Variants in CASZ1 observed in about 807,000 individuals in gnomAD.
CASZ1 encodes the protein zinc finger protein castor homolog 1.
In CASZ1, 28 loss-of-function variants were observed where a neutral mutation model predicts 135.2. That is an observed-to-expected ratio of 0.21 (90% CI 0.15 to 0.28). The LOEUF (loss-of-function observed/expected upper bound fraction) is 0.28. Ranked by LOEUF, CASZ1 falls within the 10% of genes least tolerant of loss-of-function variation. The pLI is 1.00. For missense variants in CASZ1, 2,161 were observed against 2,453.3 expected (o/e 0.88, Z 2.52); for synonymous variants, 1,068 against 1,073.4 (o/e 0.99, Z 0.10).
rs1640257359 is a variant in CASZ1 at position 10,756,389 on chromosome 1, G to T, written c.-77+4312C>A. ...CAGGTCTCCAGAGTGTTCCTGGAAG[G>T]CTGGGCTGGCCCATATGGCTGGGAA... On this transcript the variant is annotated intron_variant, in intron 2 of 20. Coordinates refer to ENST00000377022, the MANE Select transcript of CASZ1 (RefSeq NM_001079843.3). This position sits in a 1 kb window ranked among gnomAD's most constrained non-coding sequence, Gnocchi z 5.9. Among the ~76,000 whole-genome samples, 4 of 152,350 alleles carry T rather than the reference G, an allele frequency of 2.6e-5. No homozygotes were observed. In the South Asian group the frequency reaches 8.3e-4, roughly 32 times the overall value.
Position 10,794,194 on chromosome 1 carries a change from TGTGTGC to T in CASZ1, c.-234+2364_-234+2369del, listed in dbSNP as rs1185753570. On this transcript the variant is annotated intron_variant, in intron 1 of 20. Coordinates refer to ENST00000377022, the MANE Select transcript of CASZ1 (RefSeq NM_001079843.3). The surrounding 1 kb of genome is among the most constrained non-coding windows in gnomAD (Gnocchi z 5.6). ...GTGTATGCGTGTGTGTGTGTGTGTG[TGTGTGC>T]GCGCGCGCGCGCGTCGTGGGTTGGG... 1.6e-4 allele frequency among the ~76,000 whole-genome samples: 24 copies of T among 151,748 alleles called. No individual in the cohort carries two copies. The highest frequency in any genetic ancestry group is 1.2e-3 in the Admixed American group (18 of 15,266).
intron 2 of CASZ1, among the ~76,000 whole-genome samples, chr1:10,742,516 T>C (rs1174778894): frequency 2.0e-5 from 3 of 152,144 alleles, no homozygotes; most frequent in Non-Finnish European, 4.4e-5. Context: ...CTCCTGCCCA[T>C]GTGCTTTCTC....
At chr1:10,663,707 G>A (rs550046553) in intron 5 of CASZ1, among the ~76,000 whole-genome samples, 2 of 152,356 alleles carry the variant, frequency 1.3e-5, no homozygotes, top group African/African-American at 2.4e-5. Flanking sequence ...CTTGGGGGCC[G>A]AGCCCACAGA....
Position 10,649,178 on chromosome 1 carries a change from T to C in CASZ1, c.3050A>G (p.Asp1017Gly). 1 of 1,613,640 alleles carries C rather than the reference T, an allele frequency of 6.2e-7. No individual in the cohort carries two copies. The highest frequency in any genetic ancestry group is 1.7e-5 in the Admixed American group (1 of 60,018). The change falls in exon 15 of 21, where the codon GAC (aspartate) becomes GGC (glycine). Residue 1017 changes from aspartate (D) to glycine (G), a missense_variant. Physicochemically the swap from Asp to Gly is moderately conservative, Grantham distance 94. This residue lies in a region of CASZ1 where 349 missense variants were observed against 460.8 expected (regional missense o/e 0.76). Coordinates refer to ENST00000377022, the MANE Select transcript of CASZ1 (RefSeq NM_001079843.3). ...KVYLRRFGTK[D>G]FCDGQCDFLH... is the part of the protein sequence containing the mutation. The stretch of plus-strand genomic sequence containing the variant: ...GAAGTCACACTGGCCGTCACAGAAG[T>C]CCTTTGTACCAAACCTAGCCAGAGG...
intron 13 of CASZ1, 34 bp from the exon 14 acceptor site, chr1:10,649,471 G>T: frequency 2.5e-6 from 4 of 1,580,198 alleles, no homozygotes; most frequent in Non-Finnish European, 3.4e-6. Context: ...TGGGGCTGGG[G>T]TAGCTTAGAA....
chr1:10,645,036 T>C lies in CASZ1; in HGVS notation c.3749A>G (p.Tyr1250Cys). Residue 1250 changes from tyrosine to cysteine, a missense_variant, in exon 18 of 21, where the codon TAT becomes TGT. Tyr to Cys is a radical substitution (Grantham distance 194, BLOSUM62 -2). Coordinates refer to ENST00000377022, the MANE Select transcript of CASZ1 (RefSeq NM_001079843.3). ...GHYHCLRTGCYFVTNITTKLP... is the reference protein window; with the variant it reads ...GHYHCLRTGCCFVTNITTKLP... Reference sequence around the variant, plus strand: ...CTTGGTGGTGATGTTGGTCACAAAATAGCAGCCGGTGCGGAGGCAGTGGTA... The same window carrying C: ...CTTGGTGGTGATGTTGGTCACAAAACAGCAGCCGGTGCGGAGGCAGTGGTA... 3 of 1,614,008 alleles carry C rather than the reference T, an allele frequency of 1.9e-6. No homozygotes were observed. The highest frequency in any genetic ancestry group is 2.2e-5 in the South Asian group (2 of 91,088).
rs1011655709 is a variant in CASZ1, at chr1:10,659,425, C to T, written c.1340+277G>A. Among the ~76,000 whole-genome samples, 7 of 152,182 alleles carry T rather than the reference C, an allele frequency of 4.6e-5. No homozygotes were observed. In the South Asian group the frequency reaches 6.2e-4, roughly 14 times the overall value. On this transcript the variant is annotated intron_variant, in intron 6 of 20. Coordinates refer to ENST00000377022, the MANE Select transcript of CASZ1 (RefSeq NM_001079843.3). ...GGGTGGCGTGTGTGGGGGGCGTGTG[C>T]GAGGTGCACGCGCAGGTCCAGGAGC...
At position 10,794,207 on chromosome 1, in the gene CASZ1, G is replaced by A. The variant is rs1433409190; in HGVS notation, c.-234+2357C>T. ...TGTGTGTGTGTGTGTGTGCGCGCGC[G>A]CGCGCGTCGTGGGTTGGGCGGGGGG... On this transcript the variant is annotated intron_variant, in intron 1 of 20. Transcript: ENST00000377022. The surrounding 1 kb of genome is among the most constrained non-coding windows in gnomAD (Gnocchi z 5.6). 6.6e-6 allele frequency among the ~76,000 whole-genome samples: 1 copy of A among 151,774 alleles called. No individual in the cohort carries two copies. The highest frequency in any genetic ancestry group is 6.5e-5 in the Admixed American group (1 of 15,272).
chr1:10,749,132 C>T (rs191001221), intron 2 of CASZ1, among the ~76,000 whole-genome samples: 32 of 152,320 alleles, frequency 2.1e-4, no homozygotes, highest in East Asian at 1.9e-3. Flanking sequence ...ATGAGCTCTC[C>T]GTCTTCCCTG....
Position 10,719,379 on chromosome 1 carries a change from G to A in CASZ1, c.-76-13835C>T, listed in dbSNP as rs1639454672. Among the ~76,000 whole-genome samples, 1 of 152,194 alleles carries A rather than the reference G, an allele frequency of 6.6e-6. No individual in the cohort carries two copies. On this transcript the variant is annotated intron_variant, in intron 2 of 20. Coordinates refer to ENST00000377022, the MANE Select transcript of CASZ1 (RefSeq NM_001079843.3). The surrounding 1 kb of genome is among the most constrained non-coding windows in gnomAD (Gnocchi z 4.0). ...ACTGCCTTCCCTTTAGACCTGAAAA[G>A]CTGCAACCTGCCCACGAACTGTGGA...
rs769689235 is a variant in CASZ1, at chr1:10,653,684, G to C, written c.2373C>G (p.Ser791=). ...GCGTGGGGGTGGGCAGGCCCGAGTT[G>C]GAGAGGGCCAGGGCCAGGGGGATTG... is the stretch of plus-strand genomic sequence containing the variant. ...PGSIPLALAL[S]NSGLPTPTPY... Residue 791 remains serine (S), a synonymous_variant, in exon 11 of 21, where the codon TCC becomes TCG. Transcript: ENST00000377022. 9 of 1,567,142 alleles carry C rather than the reference G, an allele frequency of 5.7e-6. No homozygotes were observed. The highest frequency in any genetic ancestry group is 7.8e-6 in the Non-Finnish European group (9 of 1,156,954).
chr1:10,781,070 T>C (rs531646881), intron 1 of CASZ1, among the ~76,000 whole-genome samples: 1 of 152,270 alleles, frequency 6.6e-6, no homozygotes, highest in South Asian at 2.1e-4. Flanking sequence ...TTCACCTGTC[T>C]CCCCGCTCCC....
At position 10,719,584 on chromosome 1, in the gene CASZ1, G is replaced by T. The variant is rs977351537; in HGVS notation, c.-76-14040C>A. Among the ~76,000 whole-genome samples, 2 of 152,192 alleles carry T rather than the reference G, an allele frequency of 1.3e-5. No individual in the cohort carries two copies. The highest frequency in any genetic ancestry group is 2.9e-5 in the Non-Finnish European group (2 of 68,032). On this transcript the variant is annotated intron_variant, in intron 2 of 20. Transcript: ENST00000377022. The surrounding 1 kb of genome is among the most constrained non-coding windows in gnomAD (Gnocchi z 4.0). The stretch of plus-strand genomic sequence containing the variant: ...AGGTCCACCTGGAGCACGAGGAGAG[G>T]CTGGCCACCTGTAGGGCATGGGGAA...
chr1:10,676,023 GAC>G lies in CASZ1; in HGVS notation c.17-10454_17-10453del, dbSNP rs1643556806. Among the ~76,000 whole-genome samples the G allele has an allele frequency of 6.6e-6, 1 of 152,194 alleles. No homozygotes were observed. The highest frequency in any genetic ancestry group is 1.5e-5 in the Non-Finnish European group (1 of 68,012). On this transcript the variant is annotated intron_variant, in intron 4 of 20. Coordinates refer to ENST00000377022, the MANE Select transcript of CASZ1 (RefSeq NM_001079843.3). This position sits in a 1 kb window ranked among gnomAD's most constrained non-coding sequence, Gnocchi z 4.5. ...ACACCTGCCTGCCAGGGATGGCAGA[GAC>G]AGTCAGGATGAACCAGGCGCCCAAC...
At chr1:10,698,540 A>G (rs1232397061) in intron 3 of CASZ1, among the ~76,000 whole-genome samples, 2 of 142,096 alleles carry the variant, frequency 1.4e-5, no homozygotes, top group African/African-American at 5.5e-5. Context: ...GCACATCCTT[A>G]TATTTCAGAG....
rs1355458568 is a variant in CASZ1, at chr1:10,762,488, G to T, written c.-233-1631C>A. Among the ~76,000 whole-genome samples, 3 of 151,996 alleles carry T rather than the reference G, an allele frequency of 2.0e-5. No individual in the cohort carries two copies. The highest frequency in any genetic ancestry group is 7.3e-5 in the African/African-American group (3 of 41,344). ...GGCCACTGGGAGACTCACTCCTCTG[G>T]GCTCTGAAACTCCCCTGCCTGTTAG... On this transcript the variant is annotated intron_variant, in intron 1 of 20. Coordinates refer to ENST00000377022, the MANE Select transcript of CASZ1 (RefSeq NM_001079843.3). This position sits in a 1 kb window ranked among gnomAD's most constrained non-coding sequence, Gnocchi z 4.1.
rs1239668830 is a variant in CASZ1 at position 10,706,563 on chromosome 1, G to C, written c.-76-1019C>G. Among the ~76,000 whole-genome samples the C allele has an allele frequency of 6.6e-6, 1 of 152,198 alleles. No homozygotes were observed. The highest frequency in any genetic ancestry group is 1.5e-5 in the Non-Finnish European group (1 of 68,028). On this transcript the variant is annotated intron_variant, in intron 2 of 20. Coordinates refer to ENST00000377022, the MANE Select transcript of CASZ1 (RefSeq NM_001079843.3). The surrounding 1 kb of genome is among the most constrained non-coding windows in gnomAD (Gnocchi z 4.3). Reference sequence around the variant, plus strand: ...TTGTGGGAGATGAGGTGACCTTGTTGAGGGCTCCCGGAATGCCACCCAGTC... The same window carrying C: ...TTGTGGGAGATGAGGTGACCTTGTTCAGGGCTCCCGGAATGCCACCCAGTC...
chr1:10,784,841 C>T (rs925454109), intron 1 of CASZ1, among the ~76,000 whole-genome samples: 39 of 152,168 alleles, frequency 2.6e-4, no homozygotes, highest in African/African-American at 9.2e-4. Flanking sequence ...GCTGGTATTA[C>T]AAGCATGAAC....
rs1202802903 is a variant in CASZ1, at chr1:10,649,061, C to T, written c.3158+9G>A. The T allele has an allele frequency of 6.2e-7, 1 of 1,612,322 alleles. No homozygotes were observed. The highest frequency in any genetic ancestry group is 1.7e-5 in the Admixed American group (1 of 60,012). Reference sequence around the variant, plus strand: ...GCTCTGTGGAAATGGCCCCCAGCACCCTACTCACTTTGCGTGCTTGATGGC... The same window carrying T: ...GCTCTGTGGAAATGGCCCCCAGCACTCTACTCACTTTGCGTGCTTGATGGC... On this transcript the variant is annotated intron_variant, in intron 15 of 20. Transcript: ENST00000377022.
Sources: gnomAD v4.1 joint callset for allele counts (sites outside exome capture counted in the v4.1 genomes callset) on GRCh38, gnomAD v4.1.1 for gene constraint, gnomAD v4.1.1 regional missense constraint, Gnocchi (gnomAD v3.1) non-coding constraint, MANE v1.5 for transcripts, NCBI Gene and HGNC (gene_info 2026-07-23, HGNC 2026-07-21) for gene names.